Variants in SOS2 observed in about 807,000 individuals in gnomAD.
SOS2 encodes the protein SOS Ras/Rho guanine nucleotide exchange factor 2.
A neutral mutation model predicts 148.2 loss-of-function variants in SOS2; 65 were observed. That is an observed-to-expected ratio of 0.44 (90% CI 0.36 to 0.54). The LOEUF is 0.54. SOS2 is among the 20% of genes least tolerant of loss of function. The pLI, the probability that SOS2 is intolerant of heterozygous loss-of-function variation, is 0.00. For synonymous variants in SOS2, 539 were observed against 537.1 expected, an observed-to-expected ratio of 1.00 and a Z score of -0.05; for missense variants, 1,341 against 1,590.2, an observed-to-expected ratio of 0.84 and a Z score of 2.67.
At chr14:50,145,097 T>C (rs1025397157) in intron 16 of SOS2, 73 bp downstream of exon 16, 18 of 757,226 alleles carry the variant, frequency 2.4e-5, no homozygotes, top group Non-Finnish European at 3.4e-5. Context: ...AAAAGACAGA[T>C]GATAGATGAA....
chr14:50,157,966 A>T (rs1884872518), intron 11 of SOS2, among the ~76,000 whole-genome samples: 1 of 152,182 alleles, frequency 6.6e-6, no homozygotes, highest in Non-Finnish European at 1.5e-5. Flanking sequence ...TCTGATTATT[A>T]AAAATGATCC....
At chr14:50,203,229 C>A (rs1237850198) in intron 2 of SOS2, among the ~76,000 whole-genome samples, 1 of 150,906 alleles carries the variant, frequency 6.6e-6, no homozygotes, top group Admixed American at 6.6e-5. Context: ...TAAAAATTAG[C>A]CTGGGGTGCA....
chr14:50,227,680 G>A (rs1314674072), intron 1 of SOS2, among the ~76,000 whole-genome samples: 1 of 152,148 alleles, frequency 6.6e-6, no homozygotes, highest in Non-Finnish European at 1.5e-5. Context: ...GCCCGCCTTG[G>A]CCTCCCAAAT....
chr14:50,195,270 T>C (rs1356702152), intron 4 of SOS2, among the ~76,000 whole-genome samples: 1 of 152,182 alleles, frequency 6.6e-6, no homozygotes, highest in African/African-American at 2.4e-5. Context: ...GAATGAAGGA[T>C]ACGTACATGC....
intron 13 of SOS2, among the ~76,000 whole-genome samples, chr14:50,152,385 A>G (rs1001463458): frequency 2.6e-5 from 4 of 152,212 alleles, no homozygotes; most frequent in African/African-American, 7.2e-5. Context: ...TGTAAATATT[A>G]TAAGAAAGCT....
rs190412379 is a variant in SOS2 at position 50,190,144 on chromosome 14, C to T, written c.511-1444G>A. Reference sequence around the variant, plus strand: ...CTGGGATTACAGGTGTGAGCCACTGCGCCTGGCTGTGACCATACATTTTAT... The same window carrying T: ...CTGGGATTACAGGTGTGAGCCACTGTGCCTGGCTGTGACCATACATTTTAT... On this transcript the variant is annotated intron_variant, in intron 4 of 22. Transcript: ENST00000216373. Among the ~76,000 whole-genome samples the T allele has an allele frequency of 2.4e-3, 370 of 151,996 alleles. 2 individuals are homozygous for T. The Middle Eastern group carries it at 0.061, about 25-fold the overall frequency.
chr14:50,189,479 G>C (rs1886050058), intron 4 of SOS2, among the ~76,000 whole-genome samples: 2 of 152,064 alleles, frequency 1.3e-5, no homozygotes, highest in African/African-American at 4.8e-5. Flanking sequence ...CTGATAAGAA[G>C]AATTCAATGT....
At chr14:50,196,413 G>A (rs1031940243) in intron 4 of SOS2, among the ~76,000 whole-genome samples, 1 of 151,784 alleles carries the variant, frequency 6.6e-6, no homozygotes, top group Non-Finnish European at 1.5e-5. Context: ...TCCTTTTTTT[G>A]TGTTACAAAC....
chr14:50,210,778 A>G (rs1054390820), intron 1 of SOS2, among the ~76,000 whole-genome samples: 1 of 152,102 alleles, frequency 6.6e-6, no homozygotes, highest in African/African-American at 2.4e-5. Context: ...AATAGCCTAT[A>G]TATATATTAA....
chr14:50,195,716 A>G (rs925079279), intron 4 of SOS2, among the ~76,000 whole-genome samples: 7 of 152,076 alleles, frequency 4.6e-5, no homozygotes, highest in African/African-American at 1.7e-4. Flanking sequence ...AGCCTGGGTG[A>G]CAGAGGGAGA....
rs375460863 is a variant in SOS2, at chr14:50,157,058, C to T, written c.1998G>A (p.Gln666=). The change falls in exon 12 of 23, where the codon CAG becomes CAA. Residue 666 remains glutamine, a synonymous_variant. Transcript: ENST00000216373. ...ADKLAIEKGE[Q]PISADLKRFR... is the part of the protein sequence containing the mutation. The stretch of plus-strand genomic sequence containing the variant: ...ATCTTTTAAGGTCTGCACTGATTGG[C>T]TGCTCGCCTTTCTCTATTGCCAATT... 8 of 1,612,716 alleles carry T rather than the reference C, an allele frequency of 5.0e-6. No individual in the cohort carries two copies. In the African/African-American group the frequency reaches 8.0e-5, roughly 16 times the overall value.
At position 50,155,735 on chromosome 14, in the gene SOS2, A is replaced by G. The variant is rs116657963; in HGVS notation, c.2057+1264T>C. Among the ~76,000 whole-genome samples, 1,072 of 152,292 alleles carry G rather than the reference A, an allele frequency of 7.0e-3. 16 individuals carry two copies. Among genetic ancestry groups the G allele is most frequent in the African/African-American group, 0.024 (1,012 of 41,562 alleles). ...CATAGTTATAAGTACAGGACTGAGAACACAGCAAATGCTTAGAAATACATA... is the reference window on the plus strand; with the variant it reads ...CATAGTTATAAGTACAGGACTGAGAGCACAGCAAATGCTTAGAAATACATA... On this transcript the variant is annotated intron_variant, in intron 12 of 22. Coordinates refer to ENST00000216373, the MANE Select transcript of SOS2 (RefSeq NM_006939.4).
intron 1 of SOS2, among the ~76,000 whole-genome samples, chr14:50,227,133 T>C (rs141586590): frequency 0.013 from 1,923 of 152,318 alleles, 16 homozygotes; most frequent in Non-Finnish European, 0.019. Flanking sequence ...TGAGGTTCTA[T>C]TTTAAAAGTT....
At chr14:50,189,348 A>AAAAAAAAAAAAAG (rs60224462) in intron 4 of SOS2, among the ~76,000 whole-genome samples, 2 of 146,482 alleles carry the variant, frequency 1.4e-5, no homozygotes, top group African/African-American at 5.0e-5. Flanking sequence ...AAAAAAAAAA[A>AAAAAAAAAAAAAG]GCAAGCCTGT....
rs770542958 is a variant in SOS2, at chr14:50,188,546, T to G, written c.665A>C (p.Lys222Thr). Residue 222 changes from lysine to threonine, a missense_variant, in exon 5 of 23, where the codon AAA (lysine) becomes ACA (threonine). This residue lies in a region of SOS2 where 574 missense variants were observed against 711.1 expected (regional missense o/e 0.81). Coordinates refer to ENST00000216373, the MANE Select transcript of SOS2 (RefSeq NM_006939.4). ...AGAAAGAAAGGCTTCTCGAAACACT[T>G]TTATGATCATATTTAATTCCCGTAG... is the stretch of plus-strand genomic sequence containing the variant. ...QYLRELNMII[K>T]VFREAFLSDR... is the part of the protein sequence containing the mutation. The G allele has an allele frequency of 6.2e-7, 1 of 1,604,676 alleles. No individual in the cohort carries two copies. The highest frequency in any genetic ancestry group is 1.8e-5 in the Admixed American group (1 of 56,294).
At chr14:50,169,243 G>C (rs536146399) in intron 8 of SOS2, among the ~76,000 whole-genome samples, 3 of 152,266 alleles carry the variant, frequency 2.0e-5, no homozygotes, top group Non-Finnish European at 4.4e-5. Context: ...TTAAACCTGG[G>C]AGGTGGAGGT....
chr14:50,231,312 G>C lies in SOS2; in HGVS notation c.-29C>G. The C allele has an allele frequency of 1.5e-6, 2 of 1,323,370 alleles. No homozygotes were observed. The highest frequency in any genetic ancestry group is 1.5e-5 in the African/African-American group (1 of 67,220). 82.0% of individuals were successfully genotyped at this position (1,323,370 alleles called of 1,614,324 possible). A position where few individuals can be genotyped will look rare whatever the true frequency, so the allele number is the denominator to read the frequency against. The stretch of plus-strand genomic sequence containing the variant: ...CCCGGCGACAGCGCCTCCGCATCGG[G>C]GGCAGCCCGCGGGCCGGGCCGGTGG... On this transcript the variant is annotated 5_prime_UTR_variant, in exon 1 of 23. Coordinates refer to ENST00000216373, the MANE Select transcript of SOS2 (RefSeq NM_006939.4).
intron 13 of SOS2, among the ~76,000 whole-genome samples, chr14:50,150,970 G>A (rs1025113850): frequency 2.0e-5 from 3 of 151,984 alleles, no homozygotes; most frequent in African/African-American, 7.3e-5. Flanking sequence ...TGATCTGCCT[G>A]CCTTGGCCTC....
chr14:50,122,224 G>T (rs557858743), intron 21 of SOS2, among the ~76,000 whole-genome samples: 2 of 152,012 alleles, frequency 1.3e-5, no homozygotes, highest in Admixed American at 1.3e-4. Context: ...TTTTGGAAAC[G>T]CATTCTGTCA....
Sources: allele counts gnomAD v4.1 joint callset (sites outside exome capture counted in the v4.1 genomes callset), GRCh38; gene constraint gnomAD v4.1.1; regional missense constraint gnomAD v4.1.1; transcripts MANE v1.5; gene names NCBI Gene and HGNC (gene_info 2026-07-23, HGNC 2026-07-21).